The following SYBU variants were observed in gnomAD, a reference collection of about 807,000 sequenced individuals.
SYBU encodes the protein syntabulin, also known as GOLSYN A protein.
SYBU carries 21 observed loss-of-function variants against 35.9 expected under a neutral mutation model. The ratio of observed to expected loss-of-function variants is 0.58; its 90% CI spans 0.41 to 0.84. SYBU has a LOEUF of 0.84. SYBU is among the 40% of genes least tolerant of loss of function. The pLI is 0.00. For missense variants in SYBU, 768 were observed against 848.2 expected, an observed-to-expected ratio of 0.91 and a Z score of 1.17; for synonymous variants, 319 against 324.3, an observed-to-expected ratio of 0.98 and a Z score of 0.18.
intron 1 of SYBU, among the ~76,000 whole-genome samples, chr8:109,673,788 A>C (rs1015684694): frequency 6.6e-6 from 1 of 152,220 alleles, no homozygotes; most frequent in Non-Finnish European, 1.5e-5. Context: ...AACCTTGAAA[A>C]AACGTTAGAG....
chr8:109,617,097 C>T (rs1811889104), intron 3 of SYBU, among the ~76,000 whole-genome samples: 3 of 151,910 alleles, frequency 2.0e-5, no homozygotes, highest in South Asian at 4.2e-4. Flanking sequence ...GATCGCACCA[C>T]TGCACTCCAG....
intron 3 of SYBU, among the ~76,000 whole-genome samples, chr8:109,606,610 A>G (rs557787535): frequency 6.6e-6 from 1 of 152,286 alleles, no homozygotes; most frequent in African/African-American, 2.4e-5. Context: ...CAAAATCATG[A>G]TCTCTATAGA....
chr8:109,616,830 T>G (rs188755271), intron 3 of SYBU, among the ~76,000 whole-genome samples: 1 of 152,030 alleles, frequency 6.6e-6, no homozygotes, highest in East Asian at 1.9e-4. Flanking sequence ...AGAGCCTGTG[T>G]TCTGGGAATG....
intron 1 of SYBU, among the ~76,000 whole-genome samples, chr8:109,672,794 G>A (rs939365511): frequency 3.3e-5 from 5 of 152,194 alleles, no homozygotes; most frequent in African/African-American, 4.8e-5. Context: ...TTAAATTCTC[G>A]CTGCCAGCAC....
intron 1 of SYBU, among the ~76,000 whole-genome samples, chr8:109,666,742 T>A (rs973643219): frequency 6.9e-6 from 1 of 144,532 alleles, no homozygotes; most frequent in Non-Finnish European, 1.5e-5. Flanking sequence ...AGACTCCATT[T>A]CAGAAAAAAA....
intron 1 of SYBU, among the ~76,000 whole-genome samples, chr8:109,650,250 T>C (rs1186867498): frequency 1.3e-5 from 2 of 152,196 alleles, no homozygotes; most frequent in East Asian, 3.8e-4. Context: ...AATGGTAGAT[T>C]TGAGTTACAT....
intron 3 of SYBU, among the ~76,000 whole-genome samples, chr8:109,597,618 G>A (rs1003501780): frequency 6.6e-6 from 1 of 152,030 alleles, no homozygotes; most frequent in African/African-American, 2.4e-5. Context: ...GGTGACTGAG[G>A]TGGGAAGATC....
At chr8:109,663,258 C>CATACATAT (rs1282405275) in intron 1 of SYBU, among the ~76,000 whole-genome samples, 3,600 of 149,148 alleles carry the variant, frequency 0.024, 89 homozygotes, top group African/African-American at 0.066. Flanking sequence ...AAAATACATA[C>CATACATAT]AGATAGATAG....
upstream of SYBU, among the ~76,000 whole-genome samples, chr8:109,683,734 C>T (rs530756531): frequency 6.6e-6 from 1 of 152,280 alleles, no homozygotes; most frequent in East Asian, 1.9e-4. Flanking sequence ...CAAATCCTAA[C>T]TTAAATTGTA....
chr8:109,682,590 A>G (rs938522679), upstream of SYBU, among the ~76,000 whole-genome samples: 1 of 152,196 alleles, frequency 6.6e-6, no homozygotes, highest in African/African-American at 2.4e-5. Context: ...AGAGCATAAA[A>G]GTTTTGAACA....
intron 3 of SYBU, among the ~76,000 whole-genome samples, chr8:109,591,483 T>G (rs1391948604): frequency 6.6e-6 from 1 of 151,524 alleles, no homozygotes; most frequent in Non-Finnish European, 1.5e-5. Flanking sequence ...AACAATCCAT[T>G]TTTTCCTTTT....
chr8:109,676,849 C>T (rs1052057382), intron 1 of SYBU, among the ~76,000 whole-genome samples: 1 of 152,178 alleles, frequency 6.6e-6, no homozygotes, highest in African/African-American at 2.4e-5. Flanking sequence ...ATGGGATTCT[C>T]TGCATAATGA....
At chr8:109,602,755 C>T (rs542263388) in intron 3 of SYBU, among the ~76,000 whole-genome samples, 2 of 152,164 alleles carry the variant, frequency 1.3e-5, no homozygotes, top group South Asian at 2.1e-4. Context: ...CAAGCACAAA[C>T]GTCAATACAA....
rs1253500184 is a variant in SYBU, at chr8:109,575,424, C to T, written c.1474G>A (p.Val492Met). Residue 492 changes from valine (V) to methionine (M), a missense_variant, in exon 7 of 7, where the codon GTG becomes ATG. Val to Met is a conservative substitution (Grantham distance 21, BLOSUM62 1). Coordinates refer to ENST00000276646, the MANE Select transcript of SYBU (RefSeq NM_001099754.2). ...VVVERAVQTDVVPYSPAISEL... is the reference protein window; with the variant it reads ...VVVERAVQTDMVPYSPAISEL... ...GAGATGGCTGGGCTGTAGGGCACCA[C>T]GTCGGTCTGAACGGCTCGCTCCACC... 3 of 1,614,098 alleles carry T rather than the reference C, an allele frequency of 1.9e-6. No individual in the cohort carries two copies. The highest frequency in any genetic ancestry group is 1.3e-5 in the African/African-American group (1 of 75,016).
chr8:109,644,565 C>T, intron 1 of SYBU, 71 bp downstream of exon 1: 1 of 1,506,332 alleles, frequency 6.6e-7, no homozygotes, highest in South Asian at 1.2e-5. Flanking sequence ...CAGCTCTCAT[C>T]CCGCCGCTTC....
intron 4 of SYBU, chr8:109,585,668 G>GA: frequency 6.0e-6 from 1 of 166,082 alleles, no homozygotes; most frequent in Non-Finnish European, 1.3e-5. Flanking sequence ...CCAGCTAGAA[G>GA]AAAAAAAGGG....
intron 2 of SYBU, among the ~76,000 whole-genome samples, chr8:109,626,244 C>A (rs1007503731): frequency 6.6e-6 from 1 of 152,170 alleles, no homozygotes; most frequent in African/African-American, 2.4e-5. Context: ...TCTGTCAAAT[C>A]TCTCCATACG....
At chr8:109,680,543 G>A (rs1226169128) in intron 1 of SYBU, among the ~76,000 whole-genome samples, 1 of 55,330 alleles carries the variant, frequency 1.8e-5, no homozygotes, top group Non-Finnish European at 3.2e-5. Context: ...ATTTTCTCCC[G>A]ATCATTTCTA....
intron 1 of SYBU, among the ~76,000 whole-genome samples, chr8:109,655,924 G>A (rs1397223265): frequency 6.6e-6 from 1 of 152,084 alleles, no homozygotes; most frequent in African/African-American, 2.4e-5. Flanking sequence ...AGACCAGCCT[G>A]GCCAACATGG....
Sources: gnomAD v4.1 joint callset for allele counts (sites outside exome capture counted in the v4.1 genomes callset) on GRCh38, gnomAD v4.1.1 for gene constraint, MANE v1.5 for transcripts, NCBI Gene and HGNC (gene_info 2026-07-23, HGNC 2026-07-21) for gene names.